Variants in PAH observed in about 807,000 individuals in gnomAD.
PAH encodes phenylalanine-4-hydroxylase.
Under a neutral mutation model 62.0 loss-of-function variants are expected in PAH, and 64 were observed. That is an observed-to-expected ratio of 1.03 (90% CI 0.84 to 1.27). PAH has a LOEUF of 1.27. Among genes scored for constraint, PAH ranks in the 50% most tolerant of loss-of-function variants. The probability of loss-of-function intolerance (pLI) is 0.00; values close to 1 mark genes in which losing one functional copy is unlikely to be tolerated. For synonymous variants in PAH, 195 were observed against 196.2 expected (o/e 0.99, Z 0.05); for missense variants, 579 against 542.8 (o/e 1.07, Z -0.66).
chr12:102,931,809 G>A (rs1878886033), intron 1 of PAH, among the ~76,000 whole-genome samples: 1 of 151,590 alleles, frequency 6.6e-6, no homozygotes, highest in Non-Finnish European at 1.5e-5. Context: ...TTCAATTTTT[G>A]CATCCTAGAA....
intron 3 of PAH, among the ~76,000 whole-genome samples, chr12:102,885,701 C>T (rs867657211): frequency 4.6e-5 from 7 of 152,148 alleles, no homozygotes; most frequent in Admixed American, 1.3e-4. Flanking sequence ...CTGGCCAGAG[C>T]CTGCTTCCTG....
Position 102,838,890 on chromosome 12 carries a change from C to T in PAH, c.*285G>A, listed in dbSNP as rs1874469678. Reference sequence around the variant, plus strand: ...AAGCAGGTCCCAAATTTTAATTAATCTTGATGAAATGCGACAGATTACTGA... The same window carrying T: ...AAGCAGGTCCCAAATTTTAATTAATTTTGATGAAATGCGACAGATTACTGA... On this transcript the variant is annotated 3_prime_UTR_variant, in exon 13 of 13. Coordinates refer to ENST00000553106, the MANE Select transcript of PAH (RefSeq NM_000277.3). The T allele has an allele frequency of 2.1e-6, 1 of 466,758 alleles. No homozygotes were observed. The highest frequency in any genetic ancestry group is 3.9e-6 in the Non-Finnish European group (1 of 259,116). The allele number at this position is 466,758 out of a possible 1,614,324, so 28.9% of individuals were successfully genotyped here.
At chr12:102,899,888 G>A (rs1278695415) in intron 2 of PAH, among the ~76,000 whole-genome samples, 21 of 94,576 alleles carry the variant, frequency 2.2e-4, no homozygotes, top group African/African-American at 2.8e-4. Context: ...AAAAAAAAAA[G>A]TGAGTAACAA....
chr12:102,889,442 GAT>G (rs1877180923), intron 3 of PAH, among the ~76,000 whole-genome samples: 1 of 148,662 alleles, frequency 6.7e-6, no homozygotes, highest in Admixed American at 6.7e-5. Context: ...TAGATAGATA[GAT>G]AGATAGATGA....
At chr12:102,898,725 G>C (rs1877613210) in intron 2 of PAH, among the ~76,000 whole-genome samples, 1 of 152,214 alleles carries the variant, frequency 6.6e-6, no homozygotes, top group Non-Finnish European at 1.5e-5. Flanking sequence ...CAAGTAGCTA[G>C]AGAGCGAGGC....
intron 5 of PAH, among the ~76,000 whole-genome samples, chr12:102,866,096 C>A (rs113755663): frequency 0.013 from 1,568 of 123,168 alleles, 24 homozygotes; most frequent in African/African-American, 0.041. Context: ...AAAAAAAAAA[C>A]CATCCTAAAA....
At chr12:102,950,422 C>T (rs906011518) in intron 1 of PAH, 5 of 152,288 alleles carry the variant, frequency 3.3e-5, no homozygotes, top group African/African-American at 1.2e-4. Context: ...CCCTCGGGGC[C>T]AGCGTCCAGG....
At position 102,957,598 on chromosome 12, in the gene PAH, TG is replaced by T. The variant is rs1048410887; in HGVS notation, c.-96+596del. On this transcript the variant is annotated intron_variant, in intron 1 of 4. Transcript: ENST00000551337. This position sits in a 1 kb window ranked among gnomAD's most constrained non-coding sequence, Gnocchi z 4.1. ...AGCCGCTCGCTGCAGCAGCGGGGAGTGGGGGGCGAGGCGGGGCCAGGGCTGC... is the reference window on the plus strand; with the variant it reads ...AGCCGCTCGCTGCAGCAGCGGGGAGTGGGGGCGAGGCGGGGCCAGGGCTGC... 2 of 24,212 alleles carry T rather than the reference TG, an allele frequency of 8.3e-5. No homozygotes were observed. Among genetic ancestry groups the T allele is most frequent in the East Asian group, 2.6e-3 (2 of 772 alleles). 1.5% of individuals were successfully genotyped at this position (24,212 alleles called of 1,614,324 possible).
intron 9 of PAH, among the ~76,000 whole-genome samples, chr12:102,845,635 GT>G (rs1565843310): frequency 1.3e-5 from 2 of 152,172 alleles, no homozygotes. Flanking sequence ...GACAGTCACA[GT>G]TTTGGAGAAT....
Position 102,837,080 on chromosome 12 carries a change from T to C in PAH, c.*2095A>G, listed in dbSNP as rs562435933. 1.2e-4 allele frequency: 19 copies of C among 152,246 alleles called. No homozygotes were observed. Among genetic ancestry groups the C allele is most frequent in the Non-Finnish European group, 2.1e-4 (14 of 68,040 alleles). The allele number at this position is 152,246 out of a possible 1,614,324, so 9.4% of individuals were successfully genotyped here. ...AAGATCATCTGTCAGTAAAGACTGA[T>C]ACTGTTTCTAAAATATTGCTCATTT... On this transcript the variant is annotated 3_prime_UTR_variant, in exon 13 of 13. Coordinates refer to ENST00000553106, the MANE Select transcript of PAH (RefSeq NM_000277.3).
intron 2 of PAH, among the ~76,000 whole-genome samples, chr12:102,900,049 CT>C (rs749407597): frequency 0.13 from 15,211 of 113,010 alleles, 708 homozygotes; most frequent in Non-Finnish European, 0.15. Context: ...ACATTTATTG[CT>C]TTTTTTTTTT....
At chr12:102,921,040 T>G (rs866227633), upstream of PAH, among the ~76,000 whole-genome samples, 5 of 152,054 alleles carry the variant, frequency 3.3e-5, no homozygotes, top group Non-Finnish European at 5.9e-5. Context: ...GATAGAAGAG[T>G]GGTGCTATTA....
chr12:102,855,341 C>T lies in PAH; in HGVS notation c.510-9G>A, dbSNP rs1875378619. On this transcript the variant is annotated splice_polypyrimidine_tract_variant and intron_variant, in intron 5 of 12. Coordinates refer to ENST00000553106, the MANE Select transcript of PAH (RefSeq NM_000277.3). Reference sequence around the variant, plus strand: ...GAGGGATGGGCTGCCCACTAGAATACAGGCACAAAATAGGTGTCTCAAGCA... The same window carrying T: ...GAGGGATGGGCTGCCCACTAGAATATAGGCACAAAATAGGTGTCTCAAGCA... The T allele has an allele frequency of 1.9e-6, 3 of 1,613,578 alleles. No homozygotes were observed. Among genetic ancestry groups the T allele is most frequent in the Admixed American group, 1.7e-5 (1 of 59,980 alleles).
rs1368158970 is a variant in PAH at position 102,882,659 on chromosome 12, TATATATATATATATATAA to T, written c.353-5127_353-5110del. On this transcript the variant is annotated intron_variant, in intron 3 of 12. Coordinates refer to ENST00000553106, the MANE Select transcript of PAH (RefSeq NM_000277.3). ...TATATACACTATATATATATATATA[TATATATATATATATATAA>T]AATTTTTTTCTACTGTATCCTTAGC... 7.3e-3 allele frequency among the ~76,000 whole-genome samples: 507 copies of T among 69,600 alleles called. 3 individuals carry two copies. The highest frequency in any genetic ancestry group is 0.023 in the African/African-American group (310 of 13,602). 45.7% of individuals were successfully genotyped at this position (69,600 alleles called of 152,430 possible). A position where few individuals can be genotyped will look rare whatever the true frequency, so the allele number is the denominator to read the frequency against.
At chr12:102,867,558 C>T (rs1191865760) in intron 4 of PAH, among the ~76,000 whole-genome samples, 1 of 152,132 alleles carries the variant, frequency 6.6e-6, no homozygotes, top group Non-Finnish European at 1.5e-5. Context: ...GATATCATTT[C>T]CGTAGAACTC....
At chr12:102,911,977 C>A (rs554475426) in intron 2 of PAH, among the ~76,000 whole-genome samples, 1 of 152,294 alleles carries the variant, frequency 6.6e-6, no homozygotes, top group Non-Finnish European at 1.5e-5. Context: ...GCTGAGGAAA[C>A]CTATTTGGAG....
At chr12:102,933,259 T>G (rs1365553967) in intron 1 of PAH, among the ~76,000 whole-genome samples, 1 of 152,222 alleles carries the variant, frequency 6.6e-6, no homozygotes, top group East Asian at 1.9e-4. Flanking sequence ...TTATTTCGTT[T>G]AACATAATGA....
intron 10 of PAH, 120 bp from the exon 11 acceptor site, chr12:102,843,899 GC>G: frequency 8.8e-7 from 1 of 1,136,424 alleles, no homozygotes; most frequent in Non-Finnish European, 1.3e-6. Flanking sequence ...CTACATCACA[GC>G]CCAAATGCTG....
intron 5 of PAH, among the ~76,000 whole-genome samples, chr12:102,858,719 G>A (rs763901656): frequency 1.3e-5 from 2 of 152,216 alleles, no homozygotes; most frequent in Non-Finnish European, 2.9e-5. Flanking sequence ...GCTCCTGAAT[G>A]ACTCCTGGGT....
Sources: allele counts gnomAD v4.1 joint callset (sites outside exome capture counted in the v4.1 genomes callset), GRCh38; gene constraint gnomAD v4.1.1; non-coding constraint Gnocchi (gnomAD v3.1); transcripts MANE v1.5; gene names NCBI Gene and HGNC (gene_info 2026-07-23, HGNC 2026-07-21).